Variants in NOS1AP observed in about 807,000 individuals in gnomAD.
NOS1AP encodes carboxyl-terminal PDZ ligand of neuronal nitric oxide synthase protein.
Under a neutral mutation model 56.2 loss-of-function variants are expected in NOS1AP, and 21 were observed. That is an observed-to-expected ratio of 0.37 (90% confidence interval 0.26 to 0.54). NOS1AP has a LOEUF of 0.54. Among genes scored for constraint, NOS1AP ranks in the 20% least tolerant of loss-of-function variants. The pLI, the probability that NOS1AP is intolerant of heterozygous loss-of-function variation, is 0.84. For missense variants in NOS1AP, 522 were observed against 657.8 expected (o/e 0.79, Z 2.26); for synonymous variants, 270 against 274.6 (o/e 0.98, Z 0.17).
chr1:162,135,702 G>A (rs376042129), intron 1 of NOS1AP, among the ~76,000 whole-genome samples: 11 of 152,266 alleles, frequency 7.2e-5, no homozygotes, highest in African/African-American at 1.7e-4. Flanking sequence ...CTGGAAACTC[G>A]GGGACGGTGA....
intron 5 of NOS1AP, 27 bp downstream of exon 5, chr1:162,333,152 C>T (rs1371634457): frequency 1.3e-6 from 2 of 1,483,744 alleles, no homozygotes; most frequent in Admixed American, 1.7e-5. Flanking sequence ...CGTCCATCTG[C>T]TATTTTCCTC....
chr1:162,144,301 G>A (rs182087406), intron 1 of NOS1AP, among the ~76,000 whole-genome samples: 2 of 152,278 alleles, frequency 1.3e-5, no homozygotes, highest in Non-Finnish European at 2.9e-5. Flanking sequence ...TACAGGGTAG[G>A]GAGTCCTACA....
At chr1:162,196,331 A>C (rs536239508) in intron 2 of NOS1AP, among the ~76,000 whole-genome samples, 1 of 152,308 alleles carries the variant, frequency 6.6e-6, no homozygotes, top group African/African-American at 2.4e-5. Context: ...TGCTGTCTTC[A>C]TTTCTTTGCT....
At chr1:162,326,499 A>G (rs347294) in intron 4 of NOS1AP, among the ~76,000 whole-genome samples, 134,281 of 152,246 alleles carry the variant, frequency 0.88, 61,456 homozygotes, top group Non-Finnish European at 1. Flanking sequence ...ATAGGTACAC[A>G]TACTTAATAT....
intron 2 of NOS1AP, among the ~76,000 whole-genome samples, chr1:162,285,555 A>G (rs896674459): frequency 6.6e-6 from 1 of 151,974 alleles, no homozygotes; most frequent in Non-Finnish European, 1.5e-5. Context: ...CCTAGAGAGG[A>G]ATTTGTTATA....
chr1:162,230,374 ATGT>A (rs1557841132), intron 2 of NOS1AP, among the ~76,000 whole-genome samples: 1 of 152,216 alleles, frequency 6.6e-6, no homozygotes, highest in African/African-American at 2.4e-5. Context: ...ACAGGACCCA[ATGT>A]TGTGCCAGCT....
At chr1:162,167,556 G>A (rs1650560687) in intron 2 of NOS1AP, among the ~76,000 whole-genome samples, 1 of 152,236 alleles carries the variant, frequency 6.6e-6, no homozygotes, top group Admixed American at 6.5e-5. Flanking sequence ...TGCCAGGGTG[G>A]TTGTGGGGCT....
intron 8 of NOS1AP, chr1:162,364,700 C>T: frequency 1.0e-6 from 1 of 985,622 alleles, no homozygotes; most frequent in Non-Finnish European, 1.2e-6. Flanking sequence ...TTGACCCCTA[C>T]CAGGTGGTCC....
chr1:162,297,542 G>A (rs1413749761), intron 3 of NOS1AP, among the ~76,000 whole-genome samples: 1 of 152,148 alleles, frequency 6.6e-6, no homozygotes, highest in Non-Finnish European at 1.5e-5. Context: ...TCCGGTTGAG[G>A]ATTTCAGTCC....
intron 1 of NOS1AP, among the ~76,000 whole-genome samples, chr1:162,121,126 AGGGGT>A (rs1648202022): frequency 7.5e-6 from 1 of 133,786 alleles, no homozygotes; most frequent in African/African-American, 2.9e-5. Flanking sequence ...TGCATTTGAG[AGGGGT>A]AAACCGATCA....
At chr1:162,260,768 T>C (rs113198657) in intron 2 of NOS1AP, among the ~76,000 whole-genome samples, 31 of 137,030 alleles carry the variant, frequency 2.3e-4, no homozygotes, top group Non-Finnish European at 2.8e-4. Context: ...TTGACTATTG[T>C]CAAGGGAGAT....
intron 1 of NOS1AP, among the ~76,000 whole-genome samples, chr1:162,149,774 C>T (rs1340400446): frequency 6.6e-6 from 1 of 152,178 alleles, no homozygotes; most frequent in Non-Finnish European, 1.5e-5. Context: ...ATTCCAGACA[C>T]ATTCTCAAAA....
At chr1:162,238,801 G>A (rs891712434) in intron 2 of NOS1AP, among the ~76,000 whole-genome samples, 6 of 152,190 alleles carry the variant, frequency 3.9e-5, no homozygotes, top group African/African-American at 1.4e-4. Context: ...CAATGGATTA[G>A]TTATGAAGAA....
At chr1:162,257,057 A>G (rs577262456) in intron 2 of NOS1AP, among the ~76,000 whole-genome samples, 2 of 152,332 alleles carry the variant, frequency 1.3e-5, no homozygotes, top group East Asian at 3.9e-4. Context: ...ATTAGGGGTG[A>G]GAGGGCTACA....
At chr1:162,302,639 CTT>C (rs1182764804) in intron 4 of NOS1AP, among the ~76,000 whole-genome samples, 1 of 152,164 alleles carries the variant, frequency 6.6e-6, no homozygotes, top group Non-Finnish European at 1.5e-5. Flanking sequence ...AAGCTGCTGA[CTT>C]TGCTTATTTT....
At chr1:162,080,037 C>T (rs1457878691) in intron 1 of NOS1AP, among the ~76,000 whole-genome samples, 2 of 152,136 alleles carry the variant, frequency 1.3e-5, no homozygotes, top group African/African-American at 2.4e-5. Flanking sequence ...ATCTTAAGTA[C>T]GGTATTGTCT....
intron 2 of NOS1AP, among the ~76,000 whole-genome samples, chr1:162,265,657 CTGAG>C (rs1482047416): frequency 5.3e-5 from 8 of 152,004 alleles, no homozygotes; most frequent in Non-Finnish European, 1.2e-4. Flanking sequence ...TCTCATAAAT[CTGAG>C]TTAAGTAACA....
At chr1:162,333,363 G>T (rs1391818232) in intron 5 of NOS1AP, among the ~76,000 whole-genome samples, 1 of 152,200 alleles carries the variant, frequency 6.6e-6, no homozygotes, top group Non-Finnish European at 1.5e-5. Flanking sequence ...GCTCTGGGAT[G>T]AGAGCAGTTA....
chr1:162,192,671 G>A (rs1046177871), intron 2 of NOS1AP, among the ~76,000 whole-genome samples: 1 of 152,112 alleles, frequency 6.6e-6, no homozygotes, highest in African/African-American at 2.4e-5. Context: ...TTCTTCCACT[G>A]GCCAATCCCT....
Sources: allele counts gnomAD v4.1 joint callset (sites outside exome capture counted in the v4.1 genomes callset), GRCh38; gene constraint gnomAD v4.1.1; transcripts MANE v1.5; gene names NCBI Gene and HGNC (gene_info 2026-07-23, HGNC 2026-07-21).